Variants in LRRC4C observed in about 807,000 individuals in gnomAD.
The protein encoded by LRRC4C is leucine-rich repeat-containing protein 4C.
LRRC4C carries 5 observed loss-of-function variants against 33.6 expected under a neutral mutation model. That is an observed-to-expected ratio of 0.15 (90% confidence interval 0.08 to 0.31). The LOEUF is 0.31. Among genes scored for constraint, LRRC4C ranks in the 10% least tolerant of loss-of-function variants. The pLI is 1.00. For missense variants in LRRC4C, 560 were observed against 796.7 expected (o/e 0.70, Z 3.58); for synonymous variants, 329 against 302.0 (o/e 1.09, Z -0.93).
In LRRC4C at chr11:40,884,544, T is replaced by C. The variant is rs192287146; in HGVS notation, c.-407+49091A>G. The stretch of plus-strand genomic sequence containing the variant: ...CACTCCCACCAACAGTGTAAAAGCA[T>C]TGATGCAGAGAAATAAGCTGGTTTT... On this transcript the variant is annotated intron_variant, in intron 2 of 6. Transcript: ENST00000528697. Among the ~76,000 whole-genome samples the C allele has an allele frequency of 1.3e-3, 194 of 152,210 alleles. 2 individuals are homozygous for C. Among genetic ancestry groups the C allele is most frequent in the Non-Finnish European group, 2.4e-3 (164 of 67,982 alleles).
At chr11:40,469,361 C>T (rs1265270424) in intron 3 of LRRC4C, among the ~76,000 whole-genome samples, 2 of 152,190 alleles carry the variant, frequency 1.3e-5, no homozygotes, top group African/African-American at 4.8e-5. Context: ...ATATACTATG[C>T]TTTTCCCGTG....
At chr11:40,496,335 A>G (rs1299503550) in intron 3 of LRRC4C, among the ~76,000 whole-genome samples, 2 of 152,148 alleles carry the variant, frequency 1.3e-5, no homozygotes, top group Non-Finnish European at 2.9e-5. Flanking sequence ...AACAAAGACT[A>G]TATATATTTA....
At chr11:40,390,249 C>T (rs897243043) in intron 3 of LRRC4C, among the ~76,000 whole-genome samples, 13 of 152,160 alleles carry the variant, frequency 8.5e-5, no homozygotes, top group Non-Finnish European at 1.5e-4. Flanking sequence ...TTTAGCTGTA[C>T]GAGACAGTTA....
At chr11:40,241,318 A>T (rs1865911012) in intron 5 of LRRC4C, among the ~76,000 whole-genome samples, 1 of 152,114 alleles carries the variant, frequency 6.6e-6, no homozygotes, top group Non-Finnish European at 1.5e-5. Context: ...GGAGCTGGAG[A>T]CTGCAGTGAG....
intron 1 of LRRC4C, among the ~76,000 whole-genome samples, chr11:41,297,855 A>C (rs1037399435): frequency 2.6e-5 from 4 of 152,190 alleles, no homozygotes; most frequent in African/African-American, 9.6e-5. Context: ...GGTATTCAGA[A>C]ATAACAGATG....
At chr11:40,951,034 A>G (rs1958669669) in intron 1 of LRRC4C, among the ~76,000 whole-genome samples, 1 of 151,986 alleles carries the variant, frequency 6.6e-6, no homozygotes, top group African/African-American at 2.4e-5. Context: ...CTACTATCCA[A>G]TATCCTTCCC....
At chr11:41,001,073 A>T (rs1469763253) in intron 1 of LRRC4C, among the ~76,000 whole-genome samples, 1 of 152,168 alleles carries the variant, frequency 6.6e-6, no homozygotes, top group Non-Finnish European at 1.5e-5. Flanking sequence ...CTAAATTTAC[A>T]GTAGTTGGTA....
Position 40,919,535 on chromosome 11 carries a change from AT to A in LRRC4C, c.-407+14099del, listed in dbSNP as rs1435275278. 9.2e-5 allele frequency among the ~76,000 whole-genome samples: 14 copies of A among 151,982 alleles called. 1 individual carries two copies. The highest frequency in any genetic ancestry group is 1.3e-4 in the Admixed American group (2 of 15,248). Reference sequence around the variant, plus strand: ...TCTCAGCTATTCTTTCTAACCCATCATTTGGCTTATCTTCTTCCAGCGTATT... The same window carrying A: ...TCTCAGCTATTCTTTCTAACCCATCATTGGCTTATCTTCTTCCAGCGTATT... On this transcript the variant is annotated intron_variant, in intron 2 of 6. Transcript: ENST00000528697.
At chr11:41,173,172 C>T (rs1945050287) in intron 1 of LRRC4C, among the ~76,000 whole-genome samples, 2 of 152,082 alleles carry the variant, frequency 1.3e-5, no homozygotes, top group African/African-American at 4.8e-5. Flanking sequence ...TAAACCAATT[C>T]CTTATATGAG....
At chr11:40,535,013 A>G (rs1259031570) in intron 3 of LRRC4C, among the ~76,000 whole-genome samples, 1 of 152,190 alleles carries the variant, frequency 6.6e-6, no homozygotes, top group Non-Finnish European at 1.5e-5. Context: ...TCAATATAGT[A>G]TGCAGTATTC....
At chr11:40,694,317 A>G (rs184983177) in intron 2 of LRRC4C, among the ~76,000 whole-genome samples, 20 of 152,308 alleles carry the variant, frequency 1.3e-4, no homozygotes, top group African/African-American at 4.6e-4. Context: ...GAAAATAAAT[A>G]GTGAATAGAA....
intron 1 of LRRC4C, among the ~76,000 whole-genome samples, chr11:41,110,494 C>A (rs564989857): frequency 6.6e-6 from 1 of 151,950 alleles, no homozygotes; most frequent in African/African-American, 2.4e-5. Context: ...TTAGAAATGA[C>A]TTCTAAACTG....
chr11:41,325,577 T>TTTTGTG (rs202169756), intron 1 of LRRC4C, among the ~76,000 whole-genome samples: 30 of 104,160 alleles, frequency 2.9e-4, no homozygotes, highest in African/African-American at 9.9e-4. Flanking sequence ...TTTTTTTTTT[T>TTTTGTG]TGTGTGTGTG....
Position 40,752,859 on chromosome 11 carries a change from G to A in LRRC4C, c.-406-104581C>T, listed in dbSNP as rs1040145088. 3.9e-5 allele frequency among the ~76,000 whole-genome samples: 6 copies of A among 151,962 alleles called. No individual in the cohort carries two copies. In the East Asian group the frequency reaches 7.7e-4, roughly 20 times the overall value. On this transcript the variant is annotated intron_variant, in intron 2 of 6. Coordinates refer to ENST00000528697, the MANE Select transcript of LRRC4C (RefSeq NM_001258419.2). ...GCACTATTCACAAAAGCCAACATAC[G>A]GAATCAACCTAAGTATCTGTCAATG...
intron 5 of LRRC4C, among the ~76,000 whole-genome samples, chr11:40,203,627 T>A (rs1862927190): frequency 1.3e-5 from 2 of 152,090 alleles, no homozygotes; most frequent in Admixed American, 6.6e-5. Flanking sequence ...AACTTTTAAA[T>A]CCCTGAATTC....
chr11:41,454,024 A>G (rs1045112065), intron 1 of LRRC4C, among the ~76,000 whole-genome samples: 2 of 152,078 alleles, frequency 1.3e-5, no homozygotes, highest in African/African-American at 4.8e-5. Context: ...TTCTTCTCAC[A>G]AAGTCATAAA....
intron 1 of LRRC4C, among the ~76,000 whole-genome samples, chr11:40,936,140 GATATT>G (rs1406648643): frequency 7.1e-6 from 1 of 141,248 alleles, no homozygotes; most frequent in Non-Finnish European, 1.5e-5. Flanking sequence ...ATGATTTCCA[GATATT>G]ATAATTAATT....
chr11:40,228,774 G>C (rs1864990635), intron 5 of LRRC4C, among the ~76,000 whole-genome samples: 2 of 152,146 alleles, frequency 1.3e-5, no homozygotes, highest in Non-Finnish European at 2.9e-5. Context: ...CTCTCATTTG[G>C]TAAATATGAT....
intron 1 of LRRC4C, among the ~76,000 whole-genome samples, chr11:41,241,641 T>C (rs1158320508): frequency 6.6e-6 from 1 of 152,162 alleles, no homozygotes; most frequent in Non-Finnish European, 1.5e-5. Context: ...TCATAGGAGA[T>C]AATGATAATG....
Sources: allele counts gnomAD v4.1 joint callset (sites outside exome capture counted in the v4.1 genomes callset), GRCh38; gene constraint gnomAD v4.1.1; transcripts MANE v1.5; gene names NCBI Gene and HGNC (gene_info 2026-07-23, HGNC 2026-07-21).